XRRA1: variants seen among roughly 807,000 people sequenced by gnomAD.
The protein encoded by XRRA1 is X-ray radiation resistance associated 1.
A neutral mutation model predicts 80.2 loss-of-function variants in XRRA1; 69 were observed. The ratio of observed to expected loss-of-function variants is 0.86; its 90% CI spans 0.71 to 1.05. XRRA1 has a LOEUF of 1.05. Ranked by LOEUF, XRRA1 falls within the 50% of genes least tolerant of loss-of-function variation. XRRA1 has a pLI of 0.00. For missense variants in XRRA1, 967 were observed against 976.4 expected, an observed-to-expected ratio of 0.99 and a Z score of 0.13; for synonymous variants, 348 against 389.9, an observed-to-expected ratio of 0.89 and a Z score of 1.27.
At chr11:74,851,783 C>T (rs1213186480) in intron 13 of XRRA1, among the ~76,000 whole-genome samples, 3 of 152,154 alleles carry the variant, frequency 2.0e-5, no homozygotes, top group Admixed American at 6.5e-5. Flanking sequence ...TACCACTGTC[C>T]GTGGGGACAA....
rs146690937 is a variant in XRRA1 at position 74,854,222 on chromosome 11, A to G, written c.1171-2140T>C. ...AGTTGGATACACTGGTCTGGAATAC[A>G]GAGGAGAGGTCTGCATTAGAGTTAG... is the stretch of plus-strand genomic sequence containing the variant. On this transcript the variant is annotated intron_variant, in intron 12 of 18. Coordinates refer to ENST00000684022, the MANE Select transcript of XRRA1 (RefSeq NM_001378157.1). 5.7e-3 allele frequency among the ~76,000 whole-genome samples: 867 copies of G among 152,314 alleles called. 8 individuals carry two copies. The highest frequency in any genetic ancestry group is 0.02 in the African/African-American group (818 of 41,560).
intron 10 of XRRA1, among the ~76,000 whole-genome samples, chr11:74,871,771 T>C (rs79093118): frequency 0.021 from 3,231 of 152,254 alleles, 110 homozygotes; most frequent in African/African-American, 0.074. Context: ...TCCTGTCTCA[T>C]TGCATGACCT....
chr11:74,895,543 TAG>T (rs977466497), intron 10 of XRRA1, among the ~76,000 whole-genome samples: 4 of 152,178 alleles, frequency 2.6e-5, no homozygotes, highest in South Asian at 2.1e-4. Context: ...AGGCTGGGCT[TAG>T]AGTCAGTGAA....
At chr11:74,858,463 G>A (rs1210516834) in intron 12 of XRRA1, among the ~76,000 whole-genome samples, 2 of 152,212 alleles carry the variant, frequency 1.3e-5, no homozygotes, top group African/African-American at 2.4e-5. Flanking sequence ...GGGGAGTTTA[G>A]CTGTATCAGC....
intron 1 of XRRA1, among the ~76,000 whole-genome samples, chr11:74,947,275 C>T (rs185383214): frequency 2.8e-4 from 42 of 152,198 alleles, no homozygotes; most frequent in African/African-American, 9.9e-4. Context: ...CCTGTAATCC[C>T]AGCACTTTGG....
Position 74,907,148 on chromosome 11 carries a change from C to T in XRRA1, c.782G>A (p.Arg261Lys). 6.2e-7 allele frequency: 1 copy of T among 1,613,666 alleles called. No homozygotes were observed. Among genetic ancestry groups the T allele is most frequent in the East Asian group, 2.2e-5 (1 of 44,888 alleles). ...AGAGAAAGGCTTATGGCTTTACCTC[C>T]TGAGCCCAGCCAGGCTGGCAAAGCA... ...PSCFASLAGL[R>K]RLKKLSLDEN... Residue 261 changes from arginine (R) to lysine (K), a missense_variant, in exon 9 of 19, where the codon AGG becomes AAG. Physicochemically the swap from Arg to Lys is conservative, Grantham distance 26. Coordinates refer to ENST00000684022, the MANE Select transcript of XRRA1 (RefSeq NM_001378157.1).
intron 10 of XRRA1, among the ~76,000 whole-genome samples, chr11:74,886,890 T>C (rs2049163931): frequency 6.6e-6 from 1 of 152,136 alleles, no homozygotes; most frequent in Admixed American, 6.6e-5. Context: ...TGGAACAGGT[T>C]AGAGAGGCCA....
At chr11:74,907,502 G>T (rs1048274176) in intron 8 of XRRA1, among the ~76,000 whole-genome samples, 1 of 152,186 alleles carries the variant, frequency 6.6e-6, no homozygotes, top group East Asian at 1.9e-4. Flanking sequence ...TATGGAGAAA[G>T]GTTACACACA....
intron 12 of XRRA1, among the ~76,000 whole-genome samples, chr11:74,857,150 G>T (rs765928162): frequency 3.3e-4 from 50 of 152,082 alleles, no homozygotes; most frequent in Non-Finnish European, 5.9e-4. Flanking sequence ...ACTTCTCTGA[G>T]GTGCAGGCAC....
intron 8 of XRRA1, chr11:74,919,707 C>T (rs1940051793): frequency 3.9e-6 from 2 of 510,734 alleles, no homozygotes; most frequent in Non-Finnish European, 7.7e-6. Flanking sequence ...CTTCAAGAAG[C>T]ATGCCCCTTG....
chr11:74,875,607 G>A lies in XRRA1; in HGVS notation c.1004-12586C>T, dbSNP rs1464875543. On this transcript the variant is annotated intron_variant, in intron 10 of 18. Coordinates refer to ENST00000684022, the MANE Select transcript of XRRA1 (RefSeq NM_001378157.1). The stretch of plus-strand genomic sequence containing the variant: ...AAAAATAATCCCTTTGGCTGGGCAC[G>A]GTGGCTCACACCTGTAATCCCAGCA... Among the ~76,000 whole-genome samples, 5 of 152,234 alleles carry A rather than the reference G, an allele frequency of 3.3e-5. No individual in the cohort carries two copies. In the East Asian group the frequency reaches 5.8e-4, roughly 18 times the overall value.
At position 74,843,423 on chromosome 11, in the gene XRRA1, C is replaced by T. The variant is rs767079727; in HGVS notation, c.2180G>A (p.Arg727Gln). Residue 727 changes from arginine to glutamine, a missense_variant, in exon 19 of 19, where the codon CGG (arginine) becomes CAG (glutamine). By Grantham distance (43) the Arg-to-Gln change is conservative. Coordinates refer to ENST00000684022, the MANE Select transcript of XRRA1 (RefSeq NM_001378157.1). ...GAVLHQWTERRLVNHKQYLEA... is the reference protein window; with the variant it reads ...GAVLHQWTERQLVNHKQYLEA... ...CAGGTACTGCTTGTGGTTCACCAGC[C>T]GCCGTTCTGTCCACTGGTGCAGGAC... 4.5e-5 allele frequency: 73 copies of T among 1,612,596 alleles called. No homozygotes were observed. In the South Asian group the frequency reaches 4.9e-4, roughly 11 times the overall value.
intron 10 of XRRA1, among the ~76,000 whole-genome samples, chr11:74,887,636 C>T (rs2049386844): frequency 1.3e-5 from 2 of 152,174 alleles, no homozygotes; most frequent in East Asian, 3.9e-4. Flanking sequence ...TTGCCTCACC[C>T]AGGTAGCGCA....
chr11:74,893,570 TA>T (rs2051386969), intron 10 of XRRA1, among the ~76,000 whole-genome samples: 1 of 140,382 alleles, frequency 7.1e-6, no homozygotes, highest in Non-Finnish European at 1.6e-5. Flanking sequence ...TAAAAATAAA[TA>T]AAAAAATAAA....
At chr11:74,940,002 T>G (rs2139870097) in intron 3 of XRRA1, among the ~76,000 whole-genome samples, 1 of 152,262 alleles carries the variant, frequency 6.6e-6, no homozygotes, top group South Asian at 2.1e-4. Context: ...AAAATCACTC[T>G]AGAGAAGCAG....
chr11:74,909,335 C>T (rs78728865), intron 8 of XRRA1, among the ~76,000 whole-genome samples: 1 of 152,182 alleles, frequency 6.6e-6, no homozygotes, highest in Non-Finnish European at 1.5e-5. Flanking sequence ...TTTTTAATCT[C>T]TATCTGAGCT....
chr11:74,939,841 CATAGAGAG>C (rs941227072), intron 3 of XRRA1, among the ~76,000 whole-genome samples: 10 of 120,646 alleles, frequency 8.3e-5, no homozygotes, highest in African/African-American at 2.9e-4. Flanking sequence ...GAGAGAGTGA[CATAGAGAG>C]AGAGAGAGAG....
intron 10 of XRRA1, among the ~76,000 whole-genome samples, chr11:74,891,360 A>G (rs2050647795): frequency 6.6e-6 from 1 of 152,242 alleles, no homozygotes; most frequent in African/African-American, 2.4e-5. Flanking sequence ...ACAGCCCTTC[A>G]TGCTAAAAAC....
intron 5 of XRRA1, among the ~76,000 whole-genome samples, chr11:74,932,442 C>T (rs1943844578): frequency 6.6e-6 from 1 of 152,072 alleles, no homozygotes; most frequent in Non-Finnish European, 1.5e-5. Context: ...CATCTAAGCC[C>T]AGCCTCCTCC....
Sources: allele counts gnomAD v4.1 joint callset (sites outside exome capture counted in the v4.1 genomes callset), GRCh38; gene constraint gnomAD v4.1.1; transcripts MANE v1.5; gene names NCBI Gene and HGNC (gene_info 2026-07-23, HGNC 2026-07-21).